The following PAK3 variants were observed in gnomAD, a reference collection of about 807,000 sequenced individuals.
The protein encoded by PAK3 is p21 (RAC1) activated kinase 3, also known as serine/threonine-protein kinase PAK 3.
In PAK3, 4 loss-of-function variants were observed where a neutral mutation model predicts 41.0. That is an observed-to-expected ratio of 0.10 (90% CI 0.05 to 0.22). The LOEUF is 0.22. Ranked by LOEUF, PAK3 falls within the 10% of genes least tolerant of loss-of-function variation. The probability of loss-of-function intolerance (pLI) is 1.00; values close to 1 mark genes in which losing one functional copy is unlikely to be tolerated. For synonymous variants in PAK3, 146 were observed against 139.6 expected (o/e 1.05, Z -0.32); for missense variants, 205 against 409.9 (o/e 0.50, Z 4.32).
At chrX:111,216,625 C>G (rs748860240) in intron 17 of PAK3, 67 bp downstream of exon 17, 86 of 903,253 alleles carry the variant, frequency 9.5e-5, no homozygotes, top group Non-Finnish European at 1.3e-4. Flanking sequence ...CAATGTGTGA[C>G]AGAGAGCTCT....
At position 111,225,352 on chromosome X, in the gene PAK3, T is replaced by C. The variant is rs2094947710; in HGVS notation, c.*4905T>C. 1 of 112,246 alleles carries C rather than the reference T, an allele frequency of 8.9e-6. No homozygotes were observed. The highest frequency in any genetic ancestry group is 3.2e-5 in the African/African-American group (1 of 30,853). 9.3% of individuals were successfully genotyped at this position (112,246 alleles called of 1,213,427 possible). A position where few individuals can be genotyped will look rare whatever the true frequency, so the allele number is the denominator to read the frequency against. On this transcript the variant is annotated 3_prime_UTR_variant, in exon 18 of 18. Coordinates refer to ENST00000372007, the MANE Select transcript of PAK3 (RefSeq NM_002578.5). ...CGGGAACTGAGATATCACCTCCATG[T>C]GCACACCTGTGTGTACGAGTATTCT...
chrX:111,042,758 T>A (rs1334199267), intron 1 of PAK3, among the ~76,000 whole-genome samples: 5 of 112,515 alleles, frequency 4.4e-5, no homozygotes, highest in Non-Finnish European at 7.5e-5. Flanking sequence ...TTGCCCAGGC[T>A]CTGCCCATGC....
In PAK3 at chrX:110,968,720, A is replaced by G. The variant is rs1313638400; in HGVS notation, c.-28+24092A>G. 2.7e-5 allele frequency among the ~76,000 whole-genome samples: 3 copies of G among 111,785 alleles called. No homozygotes were observed. In the Admixed American group the frequency reaches 2.8e-4, roughly 11 times the overall value. On this transcript the variant is annotated intron_variant, in intron 1 of 14. Transcript: ENST00000425146. Reference sequence around the variant, plus strand: ...TTGAGTTTTTAAAAATATATTCCAGATAGCAGTCCTTTGTTAGATGCATGA... The same window carrying G: ...TTGAGTTTTTAAAAATATATTCCAGGTAGCAGTCCTTTGTTAGATGCATGA...
chrX:111,146,451 C>T, intron 6 of PAK3: 3 of 721,538 alleles, frequency 4.2e-6, no homozygotes, highest in Admixed American at 5.3e-5. Context: ...GTTTCATCTC[C>T]TCCCACCTTC....
At chrX:111,156,899 C>T (rs2094113727) in intron 8 of PAK3, among the ~76,000 whole-genome samples, 1 of 111,679 alleles carries the variant, frequency 9.0e-6, no homozygotes, top group Non-Finnish European at 1.9e-5. Context: ...TTTTATCGTA[C>T]TGTTGAAAAT....
chrX:110,992,651 C>CTTAG lies in PAK3; in HGVS notation c.-28+48024_-28+48025insTAGT, dbSNP rs774593273. On this transcript the variant is annotated intron_variant, in intron 1 of 14. Coordinates refer to the PAK3 transcript ENST00000425146. ...TGTAATCTCTTAGAGCTGAAAGGGA[C>CTTAG]TCAGTGCAATTCTGCCACCGGGCAT... 1.3e-3 allele frequency among the ~76,000 whole-genome samples: 10 copies of CTTAG among 7,573 alleles called. No individual in the cohort carries two copies. In the Non-Finnish European group the frequency reaches 0.054, roughly 41 times the overall value. The allele number at this position is 7,573 out of a possible 115,157, so 6.6% of individuals were successfully genotyped here. A position where few individuals can be genotyped will look rare whatever the true frequency, so the allele number is the denominator to read the frequency against.
intron 1 of PAK3, among the ~76,000 whole-genome samples, chrX:111,071,157 C>T (rs1339783074): frequency 1.8e-5 from 2 of 111,911 alleles, no homozygotes; most frequent in African/African-American, 6.5e-5. Context: ...TGTAAGTTGT[C>T]CCATCTAATG....
rs775897177 is a variant in PAK3, at chrX:111,044,982, G to A, written c.-27-78095G>A. On this transcript the variant is annotated intron_variant, in intron 1 of 14. Coordinates refer to the PAK3 transcript ENST00000425146. Reference sequence around the variant, plus strand: ...AGGCTATATGACCTATGACATGAAAGCTTACAGTGGTATACACAGCCTCTG... The same window carrying A: ...AGGCTATATGACCTATGACATGAAAACTTACAGTGGTATACACAGCCTCTG... Among the ~76,000 whole-genome samples the A allele has an allele frequency of 2.7e-5, 3 of 112,022 alleles. No homozygotes were observed. The South Asian group carries it at 1.1e-3, about 42-fold the overall frequency.
chrX:111,001,544 T>A (rs1376204215), intron 1 of PAK3, among the ~76,000 whole-genome samples: 1 of 112,133 alleles, frequency 8.9e-6, no homozygotes, highest in Non-Finnish European at 1.9e-5. Context: ...GTGGGCTGAT[T>A]TTTCTTGGAC....
chrX:111,102,542 T>C (rs1266414111), intron 3 of PAK3, among the ~76,000 whole-genome samples: 1 of 111,354 alleles, frequency 9.0e-6, no homozygotes, highest in Admixed American at 9.5e-5. Flanking sequence ...AAAAGGGGAA[T>C]GGAAATGGAG....
At chrX:111,160,590 A>G (rs867675471) in intron 8 of PAK3, among the ~76,000 whole-genome samples, 1 of 108,910 alleles carries the variant, frequency 9.2e-6, no homozygotes, top group Non-Finnish European at 1.9e-5. Flanking sequence ...AGCATTAGGT[A>G]TATCACCTAA....
intron 8 of PAK3, among the ~76,000 whole-genome samples, chrX:111,162,675 A>T (rs1449543243): frequency 4.5e-5 from 5 of 111,660 alleles, no homozygotes; most frequent in African/African-American, 6.5e-5. Flanking sequence ...GAAGTTTTTT[A>T]AAAAATTACA....
At chrX:110,959,488 C>T (rs749394868) in intron 1 of PAK3, among the ~76,000 whole-genome samples, 37 of 112,109 alleles carry the variant, frequency 3.3e-4, no homozygotes, top group African/African-American at 1.1e-3. Context: ...CCTTCACCCT[C>T]GTGTACATCA....
chrX:111,082,089 G>A (rs1918080340), intron 1 of PAK3, among the ~76,000 whole-genome samples: 1 of 112,203 alleles, frequency 8.9e-6, no homozygotes, highest in Admixed American at 9.4e-5. Context: ...AAAAATGAAA[G>A]TTCCTTAATA....
chrX:110,976,500 C>G (rs1472934975), intron 1 of PAK3, among the ~76,000 whole-genome samples: 3 of 112,145 alleles, frequency 2.7e-5, no homozygotes, highest in Non-Finnish European at 5.6e-5. Flanking sequence ...AACACTTTTA[C>G]ACTGTTGGTG....
chrX:111,013,684 T>C (rs913516508), intron 1 of PAK3: 2 of 111,242 alleles, frequency 1.8e-5, no homozygotes, highest in African/African-American at 3.3e-5. Context: ...TATCTCACCA[T>C]TTTTCTTTAG....
At chrX:111,154,065 C>A (rs2094068999) in intron 8 of PAK3, among the ~76,000 whole-genome samples, 1 of 111,727 alleles carries the variant, frequency 9.0e-6, no homozygotes, top group South Asian at 3.8e-4. Flanking sequence ...CTGTATGATT[C>A]CACGTATGTG....
At chrX:111,131,814 G>A (rs1164460906) in intron 5 of PAK3, among the ~76,000 whole-genome samples, 5 of 111,600 alleles carry the variant, frequency 4.5e-5, no homozygotes, top group Admixed American at 1.9e-4. Flanking sequence ...TCACAAATGA[G>A]TGCCTGCCTC....
At position 111,222,320 on chromosome X, in the gene PAK3, C is replaced by T. The variant is rs1171405683; in HGVS notation, c.*1873C>T. ...GAGTTTCAGCAAACTATATAGTGTA[C>T]GTGTTTATGTTCAGGAGATGACCCC... On this transcript the variant is annotated 3_prime_UTR_variant, in exon 18 of 18. Coordinates refer to ENST00000372007, the MANE Select transcript of PAK3 (RefSeq NM_002578.5). 8.9e-6 allele frequency: 1 copy of T among 111,738 alleles called. No individual in the cohort carries two copies. Among genetic ancestry groups the T allele is most frequent in the Non-Finnish European group, 1.9e-5 (1 of 53,066 alleles). The allele number at this position is 111,738 out of a possible 1,213,427, so 9.2% of individuals were successfully genotyped here.
Sources: gnomAD v4.1 joint callset for allele counts (sites outside exome capture counted in the v4.1 genomes callset) on GRCh38, gnomAD v4.1.1 for gene constraint, MANE v1.5 for transcripts, NCBI Gene and HGNC (gene_info 2026-07-23, HGNC 2026-07-21) for gene names.